The following FAM9B variants were observed in gnomAD, a reference collection of about 807,000 sequenced individuals.
FAM9B encodes the protein family with sequence similarity 9 member B, also known as protein FAM9B.
FAM9B carries 18 observed loss-of-function variants against 16.6 expected under a neutral mutation model. That is an observed-to-expected ratio of 1.09 (90% CI 0.75 to 1.61). The LOEUF is 1.61. Among genes scored for constraint, FAM9B ranks in the 40% most tolerant of loss-of-function variants. The pLI is 0.00. For missense variants in FAM9B, 155 were observed against 136.0 expected (o/e 1.14, Z -0.70); for synonymous variants, 43 against 42.6 (o/e 1.01, Z -0.03).
At chrX:9,032,816 G>A in intron 2 of FAM9B, 143 bp downstream of exon 2, 2 of 880,911 alleles carry the variant, frequency 2.3e-6, no homozygotes, top group South Asian at 5.0e-5. Flanking sequence ...AAAACCTGGC[G>A]CATCTTAGCA....
intron 7 of FAM9B, among the ~76,000 whole-genome samples, chrX:9,027,503 A>G (rs1197718478): frequency 9.0e-6 from 1 of 111,262 alleles, no homozygotes; most frequent in East Asian, 2.8e-4. Context: ...GGAATCATAT[A>G]TATCCTACTG....
At chrX:9,031,624 G>C (rs934543794) in intron 4 of FAM9B, 1 of 111,462 alleles carries the variant, frequency 9.0e-6, no homozygotes. Flanking sequence ...CTACTTGAGG[G>C]TGGAGGGTAG....
chrX:9,032,343 C>A lies in FAM9B; in HGVS notation c.147G>T (p.Thr49=). ...REPFAETDEH[T]GANTKKPEDT... ...CAAAAGTGACTTAAACACTTTACCC[C>A]GTGTGTTCATCTGTTTCAGCAAAAG... The change falls in exon 3 of 9, where the codon ACG becomes ACT. Residue 49 remains threonine (T), a splice_region_variant and synonymous_variant. Coordinates refer to ENST00000327220, the MANE Select transcript of FAM9B (RefSeq NM_205849.3). 1.7e-6 allele frequency: 2 copies of A among 1,211,364 alleles called. No homozygotes were observed.
At position 9,030,380 on chromosome X, in the gene FAM9B, G is replaced by A. The variant is rs1341823482; in HGVS notation, c.182-20C>T. On this transcript the variant is annotated intron_variant, in intron 4 of 8. Transcript: ENST00000327220. ...GATCCTCTTTAATGTCAGTTAGATA[G>A]TAAATGAAAATGGATTAAAAGTTAA... 2 of 1,120,111 alleles carry A rather than the reference G, an allele frequency of 1.8e-6. No individual in the cohort carries two copies. The highest frequency in any genetic ancestry group is 3.7e-5 in the African/African-American group (2 of 54,632). 92.3% of individuals were successfully genotyped at this position (1,120,111 alleles called of 1,213,427 possible).
At chrX:9,027,156 T>G (rs1426641502) in intron 7 of FAM9B, among the ~76,000 whole-genome samples, 1 of 112,293 alleles carries the variant, frequency 8.9e-6, no homozygotes, top group South Asian at 3.7e-4. Flanking sequence ...GTGTTAATAA[T>G]CTGCTGGCTT....
chrX:9,025,355 G>C lies in FAM9B; in HGVS notation c.*54C>G, dbSNP rs1483996339. On this transcript the variant is annotated 3_prime_UTR_variant, in exon 9 of 9. Coordinates refer to ENST00000327220, the MANE Select transcript of FAM9B (RefSeq NM_205849.3). ...TAACAGAGGTTGAAGAGACAACTGGGTAAGTGCCAACTTTTCCAAAAGCTG... is the reference window on the plus strand; with the variant it reads ...TAACAGAGGTTGAAGAGACAACTGGCTAAGTGCCAACTTTTCCAAAAGCTG... 2.5e-6 allele frequency: 1 copy of C among 406,980 alleles called. No individual in the cohort carries two copies. The highest frequency in any genetic ancestry group is 4.2e-6 in the Non-Finnish European group (1 of 238,677). 33.5% of individuals were successfully genotyped at this position (406,980 alleles called of 1,213,427 possible).
chrX:9,029,773 T>C, intron 5 of FAM9B, among the ~76,000 whole-genome samples: 1 of 112,179 alleles, frequency 8.9e-6, no homozygotes, highest in Admixed American at 9.4e-5. Flanking sequence ...TCATAGCCAT[T>C]CATCCCATAA....
chrX:9,026,454 G>A (rs1003524488), intron 7 of FAM9B, among the ~76,000 whole-genome samples: 1 of 110,794 alleles, frequency 9.0e-6, no homozygotes, highest in Admixed American at 9.7e-5. Flanking sequence ...TCTAAGAACT[G>A]AGACGGGGCA....
chrX:9,029,308 A>G lies in FAM9B; in HGVS notation c.392T>C (p.Ile131Thr). The G allele has an allele frequency of 8.4e-7, 1 of 1,185,072 alleles. No individual in the cohort carries two copies. Among genetic ancestry groups the G allele is most frequent in the Non-Finnish European group, 1.1e-6 (1 of 872,656 alleles). The change falls in exon 6 of 9, where the codon ATT (isoleucine) becomes ACT (threonine). Residue 131 changes from isoleucine (I) to threonine (T), a missense_variant and splice_region_variant. Physicochemically the swap from Ile to Thr is moderately conservative, Grantham distance 89. Coordinates refer to ENST00000327220, the MANE Select transcript of FAM9B (RefSeq NM_205849.3). Reference protein sequence around the residue: ...EEEEGEEEELIRIFQEQQKKW... With the variant: ...EEEEGEEEELTRIFQEQQKKW... The stretch of plus-strand genomic sequence containing the variant: ...CATAAAGCTAAGCATGATACCAACA[A>G]TTAGTTCTTCCTCTTCTCCCTCTTC...
At position 9,024,252 on chromosome X, in the gene FAM9B, G is replaced by A. The variant is rs1046650945; in HGVS notation, c.*1157C>T. 2.7e-5 allele frequency: 3 copies of A among 111,020 alleles called. No individual in the cohort carries two copies. The highest frequency in any genetic ancestry group is 9.8e-5 in the African/African-American group (3 of 30,580). 9.1% of individuals were successfully genotyped at this position (111,020 alleles called of 1,213,427 possible). ...GAATTCATCATTCAAGTTTTTAGAT[G>A]TCCATATAAACTTCCACATAATCCA... On this transcript the variant is annotated 3_prime_UTR_variant, in exon 9 of 9. Transcript: ENST00000327220.
rs1920955449 is a variant in FAM9B, at chrX:9,024,708, G to A, written c.*701C>T. ...TCTTCTTCTTGTTTTCTGAGAAAGA[G>A]TCTTGCTCTGTCGCCCAGGCTGGAG... On this transcript the variant is annotated 3_prime_UTR_variant, in exon 9 of 9. Coordinates refer to ENST00000327220, the MANE Select transcript of FAM9B (RefSeq NM_205849.3). The A allele has an allele frequency of 8.9e-6, 1 of 112,467 alleles. No homozygotes were observed. 9.3% of individuals were successfully genotyped at this position (112,467 alleles called of 1,213,427 possible).
chrX:9,034,037 TC>T lies in FAM9B; in HGVS notation c.-276del. The T allele has an allele frequency of 3.2e-6, 1 of 313,514 alleles. No individual in the cohort carries two copies. Among genetic ancestry groups the T allele is most frequent in the Non-Finnish European group, 4.2e-6 (1 of 238,042 alleles). 25.8% of individuals were successfully genotyped at this position (313,514 alleles called of 1,213,427 possible). On this transcript the variant is annotated 5_prime_UTR_variant, in exon 1 of 9. Coordinates refer to ENST00000327220, the MANE Select transcript of FAM9B (RefSeq NM_205849.3). ...CCTAGGCAGCAAGAGCCAGACTCCG[TC>T]CCAAAAAAAACAAAACAAAAAAACA...
intron 1 of FAM9B, 126 bp from the exon 2 acceptor site, chrX:9,033,201 G>T: frequency 8.8e-7 from 1 of 1,135,760 alleles, no homozygotes; most frequent in African/African-American, 1.8e-5. Flanking sequence ...GAGCAGGAAG[G>T]GACGGAAAAG....
At chrX:9,028,208 T>C (rs1426828774) in intron 6 of FAM9B, among the ~76,000 whole-genome samples, 1 of 112,230 alleles carries the variant, frequency 8.9e-6, no homozygotes, top group East Asian at 2.8e-4. Context: ...ATTCAACACA[T>C]ATGTCCTAAT....
chrX:9,029,603 C>T (rs968887658), intron 5 of FAM9B, among the ~76,000 whole-genome samples, 185 bp from the exon 6 acceptor site: 1 of 111,825 alleles, frequency 8.9e-6, no homozygotes, highest in African/African-American at 3.2e-5. Flanking sequence ...TCTTTTCTTC[C>T]TGACTACTAG....
Position 9,033,915 on chromosome X carries a change from T to C in FAM9B, c.-153A>G. ...AGGCAGCGGCACCACTAGGACCTCTTAGAAAACGGGTCCTCTCAGGAAGCT... is the reference window on the plus strand; with the variant it reads ...AGGCAGCGGCACCACTAGGACCTCTCAGAAAACGGGTCCTCTCAGGAAGCT... On this transcript the variant is annotated 5_prime_UTR_variant, in exon 1 of 9. Coordinates refer to ENST00000327220, the MANE Select transcript of FAM9B (RefSeq NM_205849.3). 1.3e-6 allele frequency: 1 copy of C among 753,119 alleles called. No individual in the cohort carries two copies. Among genetic ancestry groups the C allele is most frequent in the Non-Finnish European group, 1.6e-6 (1 of 639,137 alleles). The allele number at this position is 753,119 out of a possible 1,213,427, so 62.1% of individuals were successfully genotyped here.
chrX:9,026,635 G>A lies in FAM9B; in HGVS notation c.493-1052C>T, dbSNP rs139195468. Reference sequence around the variant, plus strand: ...AATGAGGTCTTGGACTAGGGTAGCCGCAGTGGGAATTTAAAGAAAGAAATT... The same window carrying A: ...AATGAGGTCTTGGACTAGGGTAGCCACAGTGGGAATTTAAAGAAAGAAATT... On this transcript the variant is annotated intron_variant, in intron 7 of 8. Transcript: ENST00000327220. Among the ~76,000 whole-genome samples the A allele has an allele frequency of 4.5e-3, 496 of 111,180 alleles. 1 individual carries two copies. The highest frequency in any genetic ancestry group is 7.4e-3 in the Non-Finnish European group (394 of 53,028).
At position 9,029,328 on chromosome X, in the gene FAM9B, C is replaced by CTCT. The variant is rs200007521; in HGVS notation, c.369_371dup (p.Glu124dup). On this transcript the variant is annotated inframe_insertion, in exon 6 of 9. Coordinates refer to ENST00000327220, the MANE Select transcript of FAM9B (RefSeq NM_205849.3). ...CAACAATTAGTTCTTCCTCTTCTCC[C>CTCT]TCTTCTTCTTCTTCCTCTTTCTGCT... The CTCT allele has an allele frequency of 3.3e-6, 4 of 1,203,316 alleles. No individual in the cohort carries two copies. In the East Asian group the frequency reaches 1.2e-4, roughly 36 times the overall value.
intron 4 of FAM9B, 156 bp downstream of exon 4, chrX:9,031,974 A>T (rs965375472): frequency 2.2e-6 from 1 of 445,796 alleles, no homozygotes; most frequent in African/African-American, 2.5e-5. Flanking sequence ...GGTAAGAAAA[A>T]TTTATCAAAT....
Sources: allele counts gnomAD v4.1 joint callset (sites outside exome capture counted in the v4.1 genomes callset), GRCh38; gene constraint gnomAD v4.1.1; transcripts MANE v1.5; gene names NCBI Gene and HGNC (gene_info 2026-07-23, HGNC 2026-07-21).